The following INO80 variants were observed in gnomAD, a reference collection of about 807,000 sequenced individuals.
The protein encoded by INO80 is chromatin-remodeling ATPase INO80.
In INO80, 20 loss-of-function variants were observed where a neutral mutation model predicts 203.4. The observed-to-expected ratio is 0.10, with a 90% CI of 0.07 to 0.14. The LOEUF is 0.14. INO80 is among the 10% of genes least tolerant of loss of function. INO80 has a pLI of 1.00. For missense variants in INO80, 1,419 were observed against 1,914.4 expected (o/e 0.74, Z 4.83); for synonymous variants, 726 against 685.2 (o/e 1.06, Z -0.93).
rs376173296 is a variant in INO80, at chr15:41,096,197, C to T, written c.114G>A (p.Thr38=). The T allele has an allele frequency of 1.4e-5, 23 of 1,610,802 alleles. No homozygotes were observed. Among genetic ancestry groups the T allele is most frequent in the African/African-American group, 9.4e-5 (7 of 74,692 alleles). The change falls in exon 2 of 36, where the codon ACG becomes ACA. Residue 38 remains threonine, a synonymous_variant. Transcript: ENST00000648947. ...ALRLDHFLRQ[T]SAIFNRNISS... is the part of the protein sequence containing the mutation. ...AAATATTCCTATTGAAGATAGCTGA[C>T]GTTTGTCGCAGAAAATGGTCCAACC...
rs796647474 is a variant in INO80 at position 41,045,774 on chromosome 15, G to A, written c.2736-699C>T. Among the ~76,000 whole-genome samples, 85 of 148,776 alleles carry A rather than the reference G, an allele frequency of 5.7e-4. 1 individual carries two copies. Among genetic ancestry groups the A allele is most frequent in the African/African-American group, 6.0e-4 (24 of 40,244 alleles). On this transcript the variant is annotated intron_variant, in intron 23 of 35. Transcript: ENST00000648947. ...AAATTAGCCAGGCGTGGTTGTGCACGCCTGTAATCCCAGCTACTTGGGAGG... is the reference window on the plus strand; with the variant it reads ...AAATTAGCCAGGCGTGGTTGTGCACACCTGTAATCCCAGCTACTTGGGAGG...
chr15:41,076,246 A>G (rs897328076), intron 9 of INO80, among the ~76,000 whole-genome samples: 7 of 152,044 alleles, frequency 4.6e-5, no homozygotes, highest in African/African-American at 1.7e-4. Context: ...CTGTAATCCC[A>G]GCTACTTAGG....
At chr15:40,998,657 G>GTT (rs988995042) in intron 28 of INO80, among the ~76,000 whole-genome samples, 8 of 146,840 alleles carry the variant, frequency 5.4e-5, no homozygotes, top group African/African-American at 1.5e-4. Flanking sequence ...GACAAGTTTT[G>GTT]TTTTTTTTTT....
At position 41,054,034 on chromosome 15, in the gene INO80, C is replaced by G. The variant is rs769362270; in HGVS notation, c.2189-20G>C. ...GTTGATCTGAAATGCCGGGAGGCCC[C>G]CAAATAATACATTATAGTGATTTCA... On this transcript the variant is annotated intron_variant, in intron 18 of 35. Transcript: ENST00000648947. 8.8e-6 allele frequency: 14 copies of G among 1,585,196 alleles called. No homozygotes were observed. The highest frequency in any genetic ancestry group is 1.1e-5 in the Non-Finnish European group (13 of 1,154,772).
intron 16 of INO80, 22 bp downstream of exon 16, chr15:41,058,617 T>C: frequency 1.9e-6 from 3 of 1,608,162 alleles, no homozygotes; most frequent in Non-Finnish European, 2.6e-6. Context: ...GCATTGAGTT[T>C]GGTTTCTACT....
rs759343873 is a variant in INO80, at chr15:40,985,403, G to A, written c.3856C>T (p.Arg1286Trp). 5 of 1,613,482 alleles carry A rather than the reference G, an allele frequency of 3.1e-6. No individual in the cohort carries two copies. The highest frequency in any genetic ancestry group is 2.2e-5 in the East Asian group (1 of 44,882). The stretch of plus-strand genomic sequence containing the variant: ...ACTCGGTTGGTTTCCTCCTGTTGCC[G>A]TTTCTCTTCCTGCCGCAGCCTCACT... ...KKLRLRQEEK[R>W]QQEETNRVKE... The change falls in exon 32 of 36, where the codon CGG becomes TGG. Residue 1286 changes from arginine to tryptophan, a missense_variant. Physicochemically the swap from Arg to Trp is moderately radical, Grantham distance 101. Around this residue, in one of 9 missense-constraint regions of INO80, gnomAD observed 214 missense variants for 248.9 expected, o/e 0.86. Coordinates refer to ENST00000648947, the MANE Select transcript of INO80 (RefSeq NM_017553.3).
At chr15:41,019,436 TA>T (rs1475975635) in intron 26 of INO80, 1 of 152,204 alleles carries the variant, frequency 6.6e-6, no homozygotes, top group African/African-American at 2.4e-5. Context: ...TCCTGCTATT[TA>T]AACAAGGTCC....
intron 4 of INO80, among the ~76,000 whole-genome samples, chr15:41,093,299 C>T (rs945578037): frequency 6.6e-6 from 1 of 152,024 alleles, no homozygotes; most frequent in Non-Finnish European, 1.5e-5. Context: ...GTGGCAAGCG[C>T]CTGTAGTTTC....
intron 9 of INO80, among the ~76,000 whole-genome samples, chr15:41,078,875 T>G (rs186880639): frequency 1.7e-3 from 262 of 152,312 alleles, no homozygotes; most frequent in Non-Finnish European, 2.7e-3. Context: ...GCATGGTGGC[T>G]CACGCCTGTA....
intron 15 of INO80, 58 bp downstream of exon 15, chr15:41,059,805 CAATT>C: frequency 1.9e-6 from 2 of 1,071,306 alleles, no homozygotes; most frequent in Non-Finnish European, 2.8e-6. Context: ...TTATCCACAT[CAATT>C]AGAGAAATAA....
At chr15:40,984,544 G>C (rs1278380598) in intron 32 of INO80, among the ~76,000 whole-genome samples, 192 bp from the exon 33 acceptor site, 1 of 151,858 alleles carries the variant, frequency 6.6e-6, no homozygotes, top group Non-Finnish European at 1.5e-5. Flanking sequence ...TATTTCAGTC[G>C]AGTACTGTGG....
intron 7 of INO80, among the ~76,000 whole-genome samples, chr15:41,084,684 T>C (rs1327925319): frequency 6.6e-6 from 1 of 152,216 alleles, no homozygotes; most frequent in African/African-American, 2.4e-5. Context: ...CATTCAAACA[T>C]TTGTAAATTC....
At position 41,092,041 on chromosome 15, in the gene INO80, T is replaced by A. The variant is rs762338137; in HGVS notation, c.523A>T (p.Ser175Cys). 1 of 1,609,188 alleles carries A rather than the reference T, an allele frequency of 6.2e-7. No individual in the cohort carries two copies. Among genetic ancestry groups the A allele is most frequent in the Non-Finnish European group, 8.5e-7 (1 of 1,175,924 alleles). Residue 175 changes from serine to cysteine, a missense_variant, in exon 5 of 36, where the codon AGT (serine) becomes TGT (cysteine). By Grantham distance (112) the Ser-to-Cys change is moderately radical (BLOSUM62 -1). Around this residue, in one of 9 missense-constraint regions of INO80, gnomAD observed 323 missense variants for 325.4 expected, o/e 0.99. Coordinates refer to ENST00000648947, the MANE Select transcript of INO80 (RefSeq NM_017553.3). Reference protein sequence around the residue: ...KYKKLHQNKYSKDKELQQYQY... With the variant: ...KYKKLHQNKYCKDKELQQYQY... ...GAAACTCTTACCTCCTTGTCTTTACTATACTTATTTTGGTGAAGTTTCTTA... is the reference window on the plus strand; with the variant it reads ...GAAACTCTTACCTCCTTGTCTTTACAATACTTATTTTGGTGAAGTTTCTTA...
rs995626984 is a variant in INO80 at position 40,987,666 on chromosome 15, G to A, written c.3729+150C>T. ...GGAAGTCAAAATTGCTATTGCATGG[G>A]ACCTGATTTTATTTTCTATTCAGAA... On this transcript the variant is annotated intron_variant, in intron 30 of 35. Coordinates refer to ENST00000648947, the MANE Select transcript of INO80 (RefSeq NM_017553.3). 1.1e-4 allele frequency: 85 copies of A among 781,744 alleles called. 1 individual carries two copies. Among genetic ancestry groups the A allele is most frequent in the Non-Finnish European group, 1.6e-4 (76 of 484,170 alleles). 48.4% of individuals were successfully genotyped at this position (781,744 alleles called of 1,614,324 possible). A position where few individuals can be genotyped will look rare whatever the true frequency, so the allele number is the denominator to read the frequency against.
At chr15:41,028,158 C>G (rs1328517581) in intron 24 of INO80, among the ~76,000 whole-genome samples, 1 of 150,970 alleles carries the variant, frequency 6.6e-6, no homozygotes. Flanking sequence ...TTTTTTGAGA[C>G]ACAGTCTTGC....
At chr15:41,114,997 C>A (rs577800551) in intron 1 of INO80, among the ~76,000 whole-genome samples, 13 of 151,996 alleles carry the variant, frequency 8.6e-5, no homozygotes, top group Admixed American at 3.3e-4. Flanking sequence ...CTTAATTATA[C>A]GCTTTAGAAA....
intron 27 of INO80, 61 bp downstream of exon 27, chr15:41,016,027 C>T: frequency 7.3e-7 from 1 of 1,378,986 alleles, no homozygotes. Flanking sequence ...TAGTCATGGA[C>T]ATCTGATTCC....
chr15:41,074,029 C>T (rs1390637053), intron 10 of INO80, among the ~76,000 whole-genome samples: 1 of 152,014 alleles, frequency 6.6e-6, no homozygotes. Flanking sequence ...CTTAAATAAA[C>T]AAGAATCGTA....
At chr15:41,003,786 G>GT (rs1288324300) in intron 28 of INO80, among the ~76,000 whole-genome samples, 1 of 152,162 alleles carries the variant, frequency 6.6e-6, no homozygotes, top group Non-Finnish European at 1.5e-5. Context: ...AATAAAAACA[G>GT]TATCAGGTGA....
Sources: allele counts gnomAD v4.1 joint callset (sites outside exome capture counted in the v4.1 genomes callset), GRCh38; gene constraint gnomAD v4.1.1; regional missense constraint gnomAD v4.1.1; transcripts MANE v1.5; gene names NCBI Gene and HGNC (gene_info 2026-07-23, HGNC 2026-07-21).